Variants in ELAVL4 observed in about 807,000 individuals in gnomAD.
The protein encoded by ELAVL4 is ELAV-like protein 4.
A neutral mutation model predicts 35.6 loss-of-function variants in ELAVL4; 1 was observed. The observed-to-expected ratio is 0.03, with a 90% confidence interval of 0.01 to 0.13. ELAVL4 has a LOEUF of 0.13. Among genes scored for constraint, ELAVL4 ranks in the 10% least tolerant of loss-of-function variants. The pLI is 1.00. For synonymous variants in ELAVL4, 156 were observed against 171.0 expected (o/e 0.91, Z 0.69); for missense variants, 267 against 464.9 (o/e 0.57, Z 3.91).
chr1:50,119,078 AAGAAAGAAAGAAAG>A (rs1166193951), intron 1 of ELAVL4, among the ~76,000 whole-genome samples: 2 of 137,006 alleles, frequency 1.5e-5, no homozygotes, highest in East Asian at 4.7e-4. Context: ...GAAAGAAAGA[AAGAAAGAAAGAAAG>A]AAAAAGAAAA....
At chr1:50,122,793 G>A (rs1669250238) in intron 1 of ELAVL4, among the ~76,000 whole-genome samples, 1 of 152,072 alleles carries the variant, frequency 6.6e-6, no homozygotes, top group African/African-American at 2.4e-5. Context: ...CATTGTTAAT[G>A]TTATTTTTAC....
chr1:50,165,750 A>ATGTGTG (rs1488230194), intron 2 of ELAVL4, among the ~76,000 whole-genome samples: 3 of 43,918 alleles, frequency 6.8e-5, no homozygotes, highest in East Asian at 9.7e-4. Flanking sequence ...ATATATACAT[A>ATGTGTG]TATGTGTATA....
chr1:50,129,909 C>A (rs1013822511), intron 1 of ELAVL4, among the ~76,000 whole-genome samples: 2 of 152,046 alleles, frequency 1.3e-5, no homozygotes, highest in Non-Finnish European at 2.9e-5. Flanking sequence ...AACCAGGTGC[C>A]TTCAGATTTG....
intron 1 of ELAVL4, among the ~76,000 whole-genome samples, chr1:50,097,246 C>T (rs1025999822): frequency 3.3e-5 from 5 of 151,960 alleles, no homozygotes; most frequent in Non-Finnish European, 5.9e-5. Context: ...CAAAACCTCT[C>T]GTGACCAGAC....
intron 2 of ELAVL4, 91 bp downstream of exon 2, chr1:50,145,288 A>C: frequency 2.6e-6 from 4 of 1,564,076 alleles, no homozygotes; most frequent in Middle Eastern, 1.7e-4. Flanking sequence ...GAATGTCTAT[A>C]TCATGTACCC....
rs1683068948 is a variant in ELAVL4, at chr1:50,194,025, T to C, written c.508+107T>C. On this transcript the variant is annotated intron_variant, in intron 4 of 6. Coordinates refer to ENST00000371824, the MANE Select transcript of ELAVL4 (RefSeq NM_001144774.3). ...TGCTTAAAGCAGATGATATGGATCA[T>C]GAATAGACAGATTTTTGACTTGGAA... The C allele has an allele frequency of 9.7e-6, 13 of 1,334,946 alleles. No individual in the cohort carries two copies. The South Asian group carries it at 1.8e-4, about 19-fold the overall frequency. The allele number at this position is 1,334,946 out of a possible 1,614,324, so 82.7% of individuals were successfully genotyped here.
intron 3 of ELAVL4, among the ~76,000 whole-genome samples, chr1:50,186,781 A>G (rs1388739838): frequency 6.6e-6 from 1 of 152,182 alleles, no homozygotes; most frequent in Non-Finnish European, 1.5e-5. Context: ...TTAGACTCCC[A>G]TCACAAAATG....
At chr1:50,127,942 G>A (rs758864316) in intron 1 of ELAVL4, among the ~76,000 whole-genome samples, 3 of 152,138 alleles carry the variant, frequency 2.0e-5, no homozygotes, top group Non-Finnish European at 4.4e-5. Flanking sequence ...GAAATAACAT[G>A]CCAGGCGTGC....
chr1:50,163,190 A>G (rs989225422), intron 2 of ELAVL4, among the ~76,000 whole-genome samples: 1 of 151,988 alleles, frequency 6.6e-6, no homozygotes, highest in African/African-American at 2.4e-5. Context: ...TCTCCTGTCA[A>G]TTTTTTCAAA....
intron 2 of ELAVL4, among the ~76,000 whole-genome samples, chr1:50,158,248 G>A (rs1189093050): frequency 2.6e-5 from 4 of 152,320 alleles, no homozygotes; most frequent in Non-Finnish European, 5.9e-5. Flanking sequence ...GGAAACAGCT[G>A]TGTGATCTTG....
intron 2 of ELAVL4, among the ~76,000 whole-genome samples, chr1:50,150,838 A>ACACCCAG (rs1162734502): frequency 5.9e-5 from 9 of 152,226 alleles, no homozygotes; most frequent in African/African-American, 2.2e-4. Context: ...ATTTCTTACA[A>ACACCCAG]CACCCAGCAG....
At chr1:50,186,254 G>A (rs780469387) in intron 3 of ELAVL4, among the ~76,000 whole-genome samples, 15 of 152,132 alleles carry the variant, frequency 9.9e-5, no homozygotes, top group African/African-American at 1.9e-4. Context: ...GCTAAAATCC[G>A]CGGCATAAAG....
intron 2 of ELAVL4, among the ~76,000 whole-genome samples, chr1:50,176,847 G>A (rs1205768330): frequency 6.6e-6 from 1 of 152,218 alleles, no homozygotes; most frequent in Non-Finnish European, 1.5e-5. Flanking sequence ...CACTTACCCA[G>A]TTTTAGCTTG....
chr1:50,164,129 C>T (rs905014878), intron 2 of ELAVL4, among the ~76,000 whole-genome samples: 3 of 152,076 alleles, frequency 2.0e-5, no homozygotes, highest in Non-Finnish European at 4.4e-5. Context: ...GCCCATAATG[C>T]GTGCTCAAAA....
chr1:50,195,739 C>T lies in ELAVL4; in HGVS notation c.687C>T (p.Pro229=), dbSNP rs2480683. The T allele has an allele frequency of 0.95, 1,526,691 of 1,614,034 alleles. 732,622 individuals are homozygous for T. Among genetic ancestry groups the T allele is most frequent in the East Asian group, 1 (44,798 of 44,852 alleles). ...QALLSQLYQS[P]NRRYPGPLHH... ...TGCTCTCCCAGCTCTACCAGTCCCC[C>T]AACCGGCGCTACCCAGGTCCACTTC... Residue 229 remains proline, a synonymous_variant, in exon 5 of 7, where the codon CCC becomes CCT. Transcript: ENST00000371824.
intron 5 of ELAVL4, among the ~76,000 whole-genome samples, chr1:50,196,665 C>A (rs1185835750): frequency 6.6e-6 from 1 of 152,094 alleles, no homozygotes; most frequent in Admixed American, 6.5e-5. Flanking sequence ...TCCTCCTATG[C>A]CCTGTGAATT....
intron 2 of ELAVL4, among the ~76,000 whole-genome samples, chr1:50,166,651 C>A: frequency 6.6e-6 from 1 of 152,138 alleles, no homozygotes; most frequent in East Asian, 1.9e-4. Flanking sequence ...TGCAGTCCTG[C>A]CTGGATTGGA....
chr1:50,201,109 C>T lies in ELAVL4; in HGVS notation c.1032C>T (p.Leu344=). Residue 344 remains leucine (L), a synonymous_variant, in exon 7 of 7, where the codon CTC becomes CTT. Transcript: ENST00000371824. The surrounding 1 kb of genome is among the most constrained non-coding windows in gnomAD (Gnocchi z 4.3). ...AGGCGGCCATGGCCATCGCCAGCCT[C>T]AACGGGTACCGCCTGGGAGACAGAG... The part of the protein sequence containing the change: ...YDEAAMAIAS[L]NGYRLGDRVL... 1 of 1,613,998 alleles carries T rather than the reference C, an allele frequency of 6.2e-7. No homozygotes were observed. Among genetic ancestry groups the T allele is most frequent in the Non-Finnish European group, 8.5e-7 (1 of 1,179,912 alleles).
At chr1:50,142,439 G>A (rs1317673608) in intron 1 of ELAVL4, among the ~76,000 whole-genome samples, 1 of 152,174 alleles carries the variant, frequency 6.6e-6, no homozygotes, top group Non-Finnish European at 1.5e-5. Flanking sequence ...CTGACCTCAG[G>A]TGATCTGCCC....
Sources: allele counts gnomAD v4.1 joint callset (sites outside exome capture counted in the v4.1 genomes callset), GRCh38; gene constraint gnomAD v4.1.1; non-coding constraint Gnocchi (gnomAD v3.1); transcripts MANE v1.5; gene names NCBI Gene and HGNC (gene_info 2026-07-23, HGNC 2026-07-21).